PTPRT: variants seen among roughly 807,000 people sequenced by gnomAD.
PTPRT encodes the protein protein tyrosine phosphatase receptor type T, also known as receptor-type tyrosine-protein phosphatase T.
In PTPRT, 56 loss-of-function variants were observed where a neutral mutation model predicts 176.8. The ratio of observed to expected loss-of-function variants is 0.32; its 90% CI spans 0.26 to 0.40. The LOEUF (loss-of-function observed/expected upper bound fraction) is 0.40. PTPRT is among the 10% of genes least tolerant of loss of function. PTPRT has a pLI of 1.00. For synonymous variants in PTPRT, 783 were observed against 739.0 expected, an observed-to-expected ratio of 1.06 and a Z score of -0.96; for missense variants, 1,540 against 1,908.2, an observed-to-expected ratio of 0.81 and a Z score of 3.60.
At chr20:42,051,910 A>G in the PTPRT span, among the ~76,000 whole-genome samples, 1 of 151,826 alleles carries the variant, frequency 6.6e-6, no homozygotes, top group Non-Finnish European at 1.5e-5. Flanking sequence ...TCCAGACAAA[A>G]CTCCCAGATT....
intron 1 of PTPRT, among the ~76,000 whole-genome samples, chr20:42,922,133 G>T (rs376209734): frequency 6.6e-6 from 1 of 151,952 alleles, no homozygotes. Context: ...ATGGGGTTTC[G>T]CTATATTGGC....
rs182016820 is a variant in PTPRT, at chr20:42,078,590, C to T, written c.*2289G>A. The T allele has an allele frequency of 9.0e-4, 169 of 187,446 alleles. 2 individuals are homozygous for T. In the East Asian group the frequency reaches 0.014, roughly 15 times the overall value. The allele number at this position is 187,446 out of a possible 1,614,324, so 11.6% of individuals were successfully genotyped here. The stretch of plus-strand genomic sequence containing the variant: ...GTCTTGGCCAACACGAAGCTGAGTG[C>T]ATCTCTCTAAAGCTCCATGGACTCC... On this transcript the variant is annotated 3_prime_UTR_variant, in exon 31 of 31. Coordinates refer to ENST00000373187, the MANE Select transcript of PTPRT (RefSeq NM_007050.6).
chr20:43,181,106 G>A (rs1345562633), intron 1 of PTPRT, among the ~76,000 whole-genome samples: 1 of 152,168 alleles, frequency 6.6e-6, no homozygotes, highest in Non-Finnish European at 1.5e-5. Flanking sequence ...GTGGCCTCTA[G>A]CAAACAGCTC....
intron 1 of PTPRT, among the ~76,000 whole-genome samples, chr20:42,960,637 C>G (rs1194801730): frequency 6.6e-6 from 1 of 152,048 alleles, no homozygotes; most frequent in Non-Finnish European, 1.5e-5. Flanking sequence ...TCACTGTTTC[C>G]TCTCCCCCCA....
intron 2 of PTPRT, among the ~76,000 whole-genome samples, chr20:42,807,903 G>A (rs957759627): frequency 6.6e-6 from 1 of 152,164 alleles, no homozygotes; most frequent in Non-Finnish European, 1.5e-5. Flanking sequence ...TGGGTATGGT[G>A]CATCTGGTGA....
At position 42,936,554 on chromosome 20, in the gene PTPRT, T is replaced by A. The variant is rs566662455; in HGVS notation, c.89-50622A>T. ...CACAGGAGTGATATAAACTGTCTTATAGCTTAACAAGTCTCCTCTTGACTA... is the reference window on the plus strand; with the variant it reads ...CACAGGAGTGATATAAACTGTCTTAAAGCTTAACAAGTCTCCTCTTGACTA... On this transcript the variant is annotated intron_variant, in intron 1 of 30. Transcript: ENST00000373187. Among the ~76,000 whole-genome samples, 8 of 152,318 alleles carry A rather than the reference T, an allele frequency of 5.3e-5. No homozygotes were observed. The South Asian group carries it at 1.7e-3, about 32-fold the overall frequency.
chr20:42,351,617 TA>T (rs1414442822), intron 10 of PTPRT, among the ~76,000 whole-genome samples: 5 of 152,234 alleles, frequency 3.3e-5, no homozygotes, highest in Non-Finnish European at 7.3e-5. Context: ...TGTTGCTGTC[TA>T]GTGGCAGAGG....
At chr20:42,095,105 C>G (rs896342405) in intron 27 of PTPRT, among the ~76,000 whole-genome samples, 1 of 152,308 alleles carries the variant, frequency 6.6e-6, no homozygotes, top group Middle Eastern at 3.4e-3. Flanking sequence ...ATCTACCCCC[C>G]AGTTCAACCA....
At chr20:42,234,219 A>G (rs187114191) in intron 15 of PTPRT, among the ~76,000 whole-genome samples, 3 of 152,322 alleles carry the variant, frequency 2.0e-5, no homozygotes, top group East Asian at 1.9e-4. Context: ...ATGAGTGTCA[A>G]CTTTGTGCCA....
chr20:42,585,396 T>A (rs2073454637), intron 7 of PTPRT, among the ~76,000 whole-genome samples: 1 of 152,238 alleles, frequency 6.6e-6, no homozygotes, highest in Admixed American at 6.5e-5. Flanking sequence ...AATATTTTAC[T>A]GTCATCTAGG....
At chr20:42,194,372 G>A (rs1294359019) in intron 16 of PTPRT, among the ~76,000 whole-genome samples, 1 of 152,108 alleles carries the variant, frequency 6.6e-6, no homozygotes, top group African/African-American at 2.4e-5. Context: ...TTCCAGACAT[G>A]GAATAATTCA....
chr20:43,139,838 A>C (rs2226076), intron 1 of PTPRT, among the ~76,000 whole-genome samples: 2 of 152,158 alleles, frequency 1.3e-5, no homozygotes, highest in Non-Finnish European at 2.9e-5. Context: ...CAGCATCGGC[A>C]TCTGGGCCTC....
chr20:42,191,492 G>A (rs769855670), intron 16 of PTPRT, among the ~76,000 whole-genome samples: 2 of 152,120 alleles, frequency 1.3e-5, no homozygotes, highest in Non-Finnish European at 2.9e-5. Flanking sequence ...CACACATTCC[G>A]TGGGCATGGA....
intron 6 of PTPRT, among the ~76,000 whole-genome samples, chr20:42,707,342 G>A (rs950528557): frequency 1.4e-4 from 22 of 152,134 alleles, no homozygotes; most frequent in African/African-American, 3.6e-4. Context: ...TGCATATGCC[G>A]AGATAGCATT....
intron 1 of PTPRT, among the ~76,000 whole-genome samples, chr20:42,992,296 G>A (rs1320375473): frequency 6.6e-6 from 1 of 152,148 alleles, no homozygotes; most frequent in Non-Finnish European, 1.5e-5. Context: ...AAACCCCTCT[G>A]CTGATTCTAG....
chr20:42,833,199 C>T (rs1229569074), intron 2 of PTPRT, among the ~76,000 whole-genome samples: 1 of 150,836 alleles, frequency 6.6e-6, no homozygotes, highest in East Asian at 2.0e-4. Context: ...GAAATAGTAA[C>T]CAAATAGTCA....
intron 26 of PTPRT, 59 bp downstream of exon 26, chr20:42,102,065 C>G: frequency 6.3e-7 from 1 of 1,578,504 alleles, no homozygotes; most frequent in Non-Finnish European, 8.7e-7. Context: ...ACCTCCACCT[C>G]AGGAAGAATA....
intron 7 of PTPRT, among the ~76,000 whole-genome samples, chr20:42,473,056 GC>G (rs1246627753): frequency 6.6e-6 from 1 of 152,142 alleles, no homozygotes; most frequent in Non-Finnish European, 1.5e-5. Flanking sequence ...CTGAGTCACA[GC>G]CTCAACCCGC....
intron 11 of PTPRT, among the ~76,000 whole-genome samples, chr20:42,337,275 G>C (rs1191959326): frequency 2.0e-5 from 3 of 152,112 alleles, no homozygotes; most frequent in Non-Finnish European, 4.4e-5. Flanking sequence ...CCATTTCTTA[G>C]CAGAGCTATT....
Sources: allele counts gnomAD v4.1 joint callset (sites outside exome capture counted in the v4.1 genomes callset), GRCh38; gene constraint gnomAD v4.1.1; transcripts MANE v1.5; gene names NCBI Gene and HGNC (gene_info 2026-07-23, HGNC 2026-07-21).